The following SLC4A4 variants were observed in gnomAD, a reference collection of about 807,000 sequenced individuals.
The protein encoded by SLC4A4 is electrogenic sodium bicarbonate cotransporter 1.
Under a neutral mutation model 111.5 loss-of-function variants are expected in SLC4A4, and 27 were observed. The observed-to-expected ratio is 0.24, with a 90% CI of 0.18 to 0.33. The LOEUF is 0.33. SLC4A4 is among the 10% of genes least tolerant of loss of function. SLC4A4 has a pLI of 1.00. For missense variants in SLC4A4, 909 were observed against 1,315.5 expected, an observed-to-expected ratio of 0.69 and a Z score of 4.78; for synonymous variants, 443 against 463.4, an observed-to-expected ratio of 0.96 and a Z score of 0.57.
intron 1 of SLC4A4, among the ~76,000 whole-genome samples, chr4:71,084,764 A>G (rs1026010327): frequency 6.6e-6 from 1 of 152,026 alleles, no homozygotes; most frequent in Non-Finnish European, 1.5e-5. Flanking sequence ...GTAGTATTCC[A>G]TGGTGTATAT....
intron 13 of SLC4A4, among the ~76,000 whole-genome samples, chr4:71,468,754 G>A (rs1363036136): frequency 6.7e-6 from 1 of 150,318 alleles, no homozygotes; most frequent in Non-Finnish European, 1.5e-5. Context: ...AAACCTCTGT[G>A]GTCCCAGTAA....
chr4:71,427,044 A>G (rs1387699352), intron 7 of SLC4A4, among the ~76,000 whole-genome samples: 1 of 152,132 alleles, frequency 6.6e-6, no homozygotes, highest in Non-Finnish European at 1.5e-5. Context: ...GTATGCATAG[A>G]TAGATGCAAA....
intron 3 of SLC4A4, among the ~76,000 whole-genome samples, chr4:71,314,511 C>T (rs1726503991): frequency 6.6e-6 from 1 of 152,110 alleles, no homozygotes; most frequent in Non-Finnish European, 1.5e-5. Flanking sequence ...CAACTTGGAA[C>T]CAACCCAAAT....
At chr4:71,351,836 G>T (rs1197203918) in intron 5 of SLC4A4, among the ~76,000 whole-genome samples, 1 of 152,184 alleles carries the variant, frequency 6.6e-6, no homozygotes, top group Non-Finnish European at 1.5e-5. Flanking sequence ...TGAAATCAGG[G>T]TTTGTAAATC....
intron 1 of SLC4A4, among the ~76,000 whole-genome samples, chr4:71,193,625 A>T (rs1300597305): frequency 3.3e-5 from 5 of 152,152 alleles, no homozygotes; most frequent in Middle Eastern, 3.2e-3. Context: ...TCTTTTTTTT[A>T]AAACCATTCT....
At chr4:71,347,889 A>G (rs1286125763) in intron 4 of SLC4A4, among the ~76,000 whole-genome samples, 2 of 152,162 alleles carry the variant, frequency 1.3e-5, no homozygotes, top group South Asian at 2.1e-4. Flanking sequence ...GAAAATAAGC[A>G]TACTCTTAGG....
At chr4:71,281,058 A>G (rs1723476877) in intron 3 of SLC4A4, among the ~76,000 whole-genome samples, 2 of 152,312 alleles carry the variant, frequency 1.3e-5, no homozygotes, top group South Asian at 2.1e-4. Flanking sequence ...GAATCTTTAC[A>G]TAAGTGAGAG....
At chr4:71,361,273 C>T (rs1365953149) in intron 6 of SLC4A4, among the ~76,000 whole-genome samples, 1 of 152,198 alleles carries the variant, frequency 6.6e-6, no homozygotes, top group East Asian at 1.9e-4. Context: ...ACATCCACTA[C>T]CAGCACACTA....
intron 8 of SLC4A4, among the ~76,000 whole-genome samples, chr4:71,443,847 T>C (rs1261691186): frequency 1.3e-5 from 2 of 152,206 alleles, no homozygotes; most frequent in East Asian, 3.8e-4. Flanking sequence ...GTCAAAGCCA[T>C]TAAAAAAACT....
At chr4:71,435,601 CTG>C (rs1341572417) in intron 7 of SLC4A4, among the ~76,000 whole-genome samples, 1 of 152,200 alleles carries the variant, frequency 6.6e-6, no homozygotes, top group East Asian at 1.9e-4. Context: ...GCAAAATAAA[CTG>C]TCATCAGAGT....
At chr4:71,356,777 A>G (rs572361643) in intron 5 of SLC4A4, among the ~76,000 whole-genome samples, 1 of 152,342 alleles carries the variant, frequency 6.6e-6, no homozygotes, top group African/African-American at 2.4e-5. Flanking sequence ...AATACATCAT[A>G]TCTGGGCCTG....
chr4:71,404,107 A>C (rs1720622477), intron 7 of SLC4A4, among the ~76,000 whole-genome samples: 1 of 152,200 alleles, frequency 6.6e-6, no homozygotes, highest in South Asian at 2.1e-4. Context: ...AATTATTGAA[A>C]TATTTAATGC....
intron 1 of SLC4A4, among the ~76,000 whole-genome samples, chr4:71,205,312 G>A (rs1220708259): frequency 1.3e-5 from 2 of 152,100 alleles, no homozygotes; most frequent in African/African-American, 4.8e-5. Context: ...AGAATGCTAT[G>A]GTGATTATTT....
At chr4:71,486,907 T>C (rs763830186) in intron 14 of SLC4A4, 41 bp from the exon 15 acceptor site, 2 of 1,298,530 alleles carry the variant, frequency 1.5e-6, no homozygotes, top group African/African-American at 3.0e-5. Flanking sequence ...TCTTTTTCTA[T>C]TTTAGTTTTA....
chr4:71,479,060 T>A (rs1728631317), intron 14 of SLC4A4, among the ~76,000 whole-genome samples: 2 of 151,676 alleles, frequency 1.3e-5, no homozygotes, highest in African/African-American at 4.8e-5. Flanking sequence ...CTAAAAATAA[T>A]GAACTATAAA....
chr4:71,075,819 C>T (rs1031124154), intron 1 of SLC4A4, among the ~76,000 whole-genome samples: 1 of 151,914 alleles, frequency 6.6e-6, no homozygotes, highest in Non-Finnish European at 1.5e-5. Flanking sequence ...CAAAAATTAG[C>T]CAGGCATGGT....
At chr4:71,231,429 C>T (rs569523810) in intron 1 of SLC4A4, among the ~76,000 whole-genome samples, 9 of 152,264 alleles carry the variant, frequency 5.9e-5, no homozygotes, top group East Asian at 1.9e-4. Context: ...TGATTAGGAC[C>T]GGCTGGTGAA....
chr4:71,298,435 G>A (rs1724976530), intron 3 of SLC4A4, among the ~76,000 whole-genome samples: 1 of 152,176 alleles, frequency 6.6e-6, no homozygotes, highest in South Asian at 2.1e-4. Flanking sequence ...TAAGGGTTGA[G>A]TTCAACCATT....
chr4:71,172,807 A>G (rs13119635), intron 2 of SLC4A4, among the ~76,000 whole-genome samples: 123,452 of 152,088 alleles, frequency 0.81, 53,588 homozygotes, highest in Non-Finnish European at 0.95. Context: ...CAAGAAAAAG[A>G]TTTCCCTCCT....
Sources: gnomAD v4.1 joint callset for allele counts (sites outside exome capture counted in the v4.1 genomes callset) on GRCh38, gnomAD v4.1.1 for gene constraint, MANE v1.5 for transcripts, NCBI Gene and HGNC (gene_info 2026-07-23, HGNC 2026-07-21) for gene names.